Variants in EYS observed in about 807,000 individuals in gnomAD.
EYS encodes the protein protein eyes shut homolog.
EYS carries 250 observed loss-of-function variants against 282.1 expected under a neutral mutation model. That is an observed-to-expected ratio of 0.89 (90% CI 0.80 to 0.98). The LOEUF (loss-of-function observed/expected upper bound fraction) is 0.98. Among genes scored for constraint, EYS ranks in the 50% least tolerant of loss-of-function variants. EYS has a pLI of 0.00. For missense variants in EYS, 4,016 were observed against 3,709.0 expected, an observed-to-expected ratio of 1.08 and a Z score of -2.15; for synonymous variants, 1,355 against 1,282.9, an observed-to-expected ratio of 1.06 and a Z score of -1.20.
intron 41 of EYS, among the ~76,000 whole-genome samples, chr6:63,731,853 G>T (rs879336203): frequency 6.6e-6 from 1 of 152,092 alleles, no homozygotes; most frequent in Non-Finnish European, 1.5e-5. Flanking sequence ...GGAAGTGTTT[G>T]TAGGAAATAT....
chr6:65,570,968 T>C (rs1484330724), intron 2 of EYS, among the ~76,000 whole-genome samples: 1 of 152,148 alleles, frequency 6.6e-6, no homozygotes, highest in Non-Finnish European at 1.5e-5. Context: ...CCATTACACA[T>C]GTACATTTGT....
At chr6:64,994,237 CT>C (rs997392994) in intron 14 of EYS, among the ~76,000 whole-genome samples, 2 of 152,042 alleles carry the variant, frequency 1.3e-5, no homozygotes, top group African/African-American at 4.8e-5. Context: ...CTTAGATTTA[CT>C]GAACCATAAA....
intron 14 of EYS, among the ~76,000 whole-genome samples, chr6:64,984,533 A>T (rs1770786110): frequency 1.3e-5 from 2 of 151,456 alleles, no homozygotes. Context: ...ATTATGTAAA[A>T]ATTAAAAAAG....
At chr6:64,268,307 A>C (rs1048268530) in intron 30 of EYS, among the ~76,000 whole-genome samples, 2 of 152,162 alleles carry the variant, frequency 1.3e-5, no homozygotes, top group Non-Finnish European at 2.9e-5. Flanking sequence ...GAGGCTATAT[A>C]TATAAATAAG....
intron 26 of EYS, among the ~76,000 whole-genome samples, chr6:64,441,801 T>A (rs1223483396): frequency 6.6e-6 from 1 of 152,230 alleles, no homozygotes; most frequent in Non-Finnish European, 1.5e-5. Flanking sequence ...TTGCTCCTCC[T>A]TGCCTTCCAC....
intron 12 of EYS, among the ~76,000 whole-genome samples, chr6:65,170,228 G>GCACA (rs148028482): frequency 4.0e-4 from 60 of 148,666 alleles, no homozygotes; most frequent in African/African-American, 1.4e-3. Flanking sequence ...GCGCGTGCAC[G>GCACA]CACACACACA....
chr6:64,149,784 T>C (rs1339017758), intron 31 of EYS, among the ~76,000 whole-genome samples: 1 of 152,224 alleles, frequency 6.6e-6, no homozygotes, highest in Non-Finnish European at 1.5e-5. Context: ...CATTGTGTTA[T>C]ATTGTCTCTA....
chr6:64,624,839 A>G (rs1272461771), intron 23 of EYS, among the ~76,000 whole-genome samples: 5 of 152,100 alleles, frequency 3.3e-5, no homozygotes, highest in African/African-American at 1.2e-4. Flanking sequence ...AGGCTTTCTG[A>G]AGTCTTCTGT....
In EYS at chr6:65,124,545, G is replaced by T. The variant is rs183666815; in HGVS notation, c.2024-66818C>A. ...TTTATTACAACTTAAACATCTCCAT[G>T]TCTAATGAACAATATATGCATTACT... On this transcript the variant is annotated intron_variant, in intron 12 of 42. Coordinates refer to ENST00000503581, the MANE Select transcript of EYS (RefSeq NM_001142800.2). Among the ~76,000 whole-genome samples, 26 of 152,240 alleles carry T rather than the reference G, an allele frequency of 1.7e-4. No individual in the cohort carries two copies. In the East Asian group the frequency reaches 5.0e-3, roughly 29 times the overall value.
chr6:65,583,981 T>A (rs1171229650), intron 2 of EYS, among the ~76,000 whole-genome samples: 3 of 151,652 alleles, frequency 2.0e-5, no homozygotes, highest in African/African-American at 7.3e-5. Flanking sequence ...AAAAAAAAAT[T>A]TCAGACTACA....
At chr6:64,221,229 A>G (rs138829706) in intron 31 of EYS, among the ~76,000 whole-genome samples, 57 of 152,234 alleles carry the variant, frequency 3.7e-4, no homozygotes, top group African/African-American at 9.6e-4. Context: ...CCCCCAAAAC[A>G]TGTGTTGGAA....
rs187706128 is a variant in EYS, at chr6:64,756,963, T to C, written c.3443+56415A>G. Among the ~76,000 whole-genome samples the C allele has an allele frequency of 4.6e-5, 7 of 152,176 alleles. No individual in the cohort carries two copies. In the East Asian group the frequency reaches 1.4e-3, roughly 29 times the overall value. On this transcript the variant is annotated intron_variant, in intron 22 of 42. Coordinates refer to ENST00000503581, the MANE Select transcript of EYS (RefSeq NM_001142800.2). ...GAAAGAAAATTTTAATAGAGTCACTTTGGCCTTAGGCTCATTTATATCCCT... is the reference window on the plus strand; with the variant it reads ...GAAAGAAAATTTTAATAGAGTCACTCTGGCCTTAGGCTCATTTATATCCCT...
chr6:64,862,851 T>C lies in EYS; in HGVS notation c.2992+23846A>G, dbSNP rs115504341. 2.8e-3 allele frequency among the ~76,000 whole-genome samples: 424 copies of C among 152,286 alleles called. 3 individuals carry two copies. The highest frequency in any genetic ancestry group is 9.6e-3 in the African/African-American group (398 of 41,588). On this transcript the variant is annotated intron_variant, in intron 19 of 42. Coordinates refer to ENST00000503581, the MANE Select transcript of EYS (RefSeq NM_001142800.2). Reference sequence around the variant, plus strand: ...AAAGTTAATTCTAAGTGTTTATATGTATATATTCAAATATAATTTGGCTAC... The same window carrying C: ...AAAGTTAATTCTAAGTGTTTATATGCATATATTCAAATATAATTTGGCTAC...
intron 12 of EYS, among the ~76,000 whole-genome samples, chr6:65,224,415 T>A (rs970057325): frequency 1.3e-4 from 19 of 151,684 alleles, no homozygotes; most frequent in Non-Finnish European, 1.5e-5. Flanking sequence ...GGTAAAGGAG[T>A]ACTTGGAAGA....
chr6:64,195,504 T>C (rs1402418786), intron 31 of EYS, among the ~76,000 whole-genome samples: 2 of 152,180 alleles, frequency 1.3e-5, no homozygotes, highest in Admixed American at 1.3e-4. Context: ...GGTTTCACCA[T>C]ATTGGCCAGG....
intron 1 of EYS, among the ~76,000 whole-genome samples, chr6:65,659,769 A>G (rs943755545): frequency 2.6e-5 from 4 of 151,726 alleles, no homozygotes; most frequent in African/African-American, 9.7e-5. Context: ...TGAACTTACT[A>G]TTTTATTTAT....
intron 12 of EYS, among the ~76,000 whole-genome samples, chr6:65,253,783 A>C (rs1469203812): frequency 6.6e-6 from 1 of 151,856 alleles, no homozygotes; most frequent in Non-Finnish European, 1.5e-5. Context: ...AAAACAGTAT[A>C]CATGGATATA....
intron 12 of EYS, among the ~76,000 whole-genome samples, chr6:65,253,544 G>A (rs1223355735): frequency 1.3e-5 from 2 of 151,878 alleles, no homozygotes; most frequent in East Asian, 3.9e-4. Context: ...GTGTTCTGAT[G>A]TAATGCATAA....
chr6:63,808,266 A>G (rs1307337642), intron 36 of EYS, among the ~76,000 whole-genome samples: 2 of 152,218 alleles, frequency 1.3e-5, no homozygotes, highest in Non-Finnish European at 2.9e-5. Flanking sequence ...ACAGCATGTC[A>G]TACTCAGGGA....
Sources: allele counts gnomAD v4.1 joint callset (sites outside exome capture counted in the v4.1 genomes callset), GRCh38; gene constraint gnomAD v4.1.1; transcripts MANE v1.5; gene names NCBI Gene and HGNC (gene_info 2026-07-23, HGNC 2026-07-21).